The following NSMAF variants were observed in gnomAD, a reference collection of about 807,000 sequenced individuals.
NSMAF encodes neutral sphingomyelinase activation associated factor.
NSMAF carries 90 observed loss-of-function variants against 134.9 expected under a neutral mutation model. That is an observed-to-expected ratio of 0.67 (90% CI 0.56 to 0.79). NSMAF has a LOEUF of 0.79. Ranked by LOEUF, NSMAF falls within the 30% of genes least tolerant of loss-of-function variation. The pLI, the probability that NSMAF is intolerant of heterozygous loss-of-function variation, is 0.00. For synonymous variants in NSMAF, 358 were observed against 389.6 expected, an observed-to-expected ratio of 0.92 and a Z score of 0.96; for missense variants, 1,010 against 1,119.0, an observed-to-expected ratio of 0.90 and a Z score of 1.39.
chr8:58,657,797 G>A (rs891866454), intron 1 of NSMAF, among the ~76,000 whole-genome samples: 4 of 152,204 alleles, frequency 2.6e-5, no homozygotes, highest in African/African-American at 9.7e-5. Flanking sequence ...CTGATGCTCA[G>A]GAACAGTTGA....
chr8:58,599,634 C>G (rs1232707490), intron 18 of NSMAF, 116 bp downstream of exon 18: 1 of 1,195,992 alleles, frequency 8.4e-7, no homozygotes, highest in Non-Finnish European at 1.2e-6. Context: ...GCTCATATAT[C>G]CTTATTTAGA....
intron 1 of NSMAF, among the ~76,000 whole-genome samples, chr8:58,655,799 C>T (rs371318111): frequency 6.0e-5 from 9 of 151,170 alleles, no homozygotes; most frequent in East Asian, 4.0e-4. Context: ...CCCAGCTACT[C>T]GGGAGGCTGA....
intron 2 of NSMAF, among the ~76,000 whole-genome samples, chr8:58,636,294 C>T (rs539257917): frequency 6.6e-6 from 1 of 152,336 alleles, no homozygotes; most frequent in African/African-American, 2.4e-5. Flanking sequence ...ACATCATATA[C>T]TTTATCCACA....
At position 58,586,478 on chromosome 8, in the gene NSMAF, C is replaced by T; in HGVS notation, c.2426G>A (p.Cys809Tyr). The T allele has an allele frequency of 1.9e-6, 3 of 1,608,534 alleles. No homozygotes were observed. Among genetic ancestry groups the T allele is most frequent in the Non-Finnish European group, 2.5e-6 (3 of 1,179,958 alleles). ...HQIPCHSGIV[C>Y]DTAFSPDSRH... ...TCTACCTGGGCTAAAAGCAGTGTCA[C>T]ATACAATCCCTGAATGGCATGGAAT... The change falls in exon 28 of 31, where the codon TGT becomes TAT. Residue 809 changes from cysteine (C) to tyrosine (Y), a missense_variant. Physicochemically the swap from Cys to Tyr is radical, Grantham distance 194 (BLOSUM62 -2). Transcript: ENST00000038176.
intron 1 of NSMAF, among the ~76,000 whole-genome samples, chr8:58,649,730 C>T (rs1255619535): frequency 6.6e-6 from 1 of 152,208 alleles, no homozygotes; most frequent in African/African-American, 2.4e-5. Flanking sequence ...CTTGCTCCCT[C>T]TCTTGCCATG....
At position 58,586,564 on chromosome 8, in the gene NSMAF, G is replaced by A. The variant is rs144059643; in HGVS notation, c.2340C>T (p.Ser780=). 1.9e-5 allele frequency: 30 copies of A among 1,613,820 alleles called. No homozygotes were observed. The highest frequency in any genetic ancestry group is 3.3e-5 in the Admixed American group (2 of 59,992). Residue 780 remains serine, a synonymous_variant, in exon 28 of 31, where the codon TCC becomes TCT. Transcript: ENST00000038176. The stretch of plus-strand genomic sequence containing the variant: ...TATTCACTGTGCCTTCTTTGGTGCC[G>A]GAAACTAACAGTGTGCTTGCAGCAT... ...SLNAASTLLV[S]GTKEGTVNIW...
chr8:58,596,957 T>C (rs1806150213), intron 21 of NSMAF, among the ~76,000 whole-genome samples: 1 of 147,518 alleles, frequency 6.8e-6, no homozygotes, highest in Non-Finnish European at 1.5e-5. Context: ...AAGATCTGTA[T>C]GTGGGTATAG....
chr8:58,610,288 T>C (rs1180651253), intron 9 of NSMAF, among the ~76,000 whole-genome samples: 1 of 152,230 alleles, frequency 6.6e-6, no homozygotes, highest in East Asian at 1.9e-4. Context: ...TCCTAAAATA[T>C]TTAATCAACA....
rs1218000627 is a variant in NSMAF, at chr8:58,585,919, A to G, written c.2528T>C (p.Met843Thr). The change falls in exon 29 of 31, where the codon ATG becomes ACG. Residue 843 changes from methionine to threonine, a missense_variant. By Grantham distance (81) the Met-to-Thr change is moderately conservative. Coordinates refer to ENST00000038176, the MANE Select transcript of NSMAF (RefSeq NM_003580.4). Reference protein sequence around the residue: ...DVQTGMLISSMTSDEPQRCFV... With the variant: ...DVQTGMLISSTTSDEPQRCFV... Reference sequence around the variant, plus strand: ...ATACCTCTGGGGCTCATCTGATGTCATGGAGGAGATGAGCATTCCTGTCTG... The same window carrying G: ...ATACCTCTGGGGCTCATCTGATGTCGTGGAGGAGATGAGCATTCCTGTCTG... 6.2e-6 allele frequency: 10 copies of G among 1,613,562 alleles called. No individual in the cohort carries two copies. The Admixed American group carries it at 1.7e-4, about 27-fold the overall frequency.
intron 1 of NSMAF, among the ~76,000 whole-genome samples, chr8:58,650,477 C>G (rs1807559623): frequency 6.6e-6 from 1 of 152,132 alleles, no homozygotes; most frequent in Non-Finnish European, 1.5e-5. Flanking sequence ...TTCCAACATG[C>G]AAGCTTGCCT....
chr8:58,645,985 G>A lies in NSMAF; in HGVS notation c.60-2912C>T, dbSNP rs565762957. Among the ~76,000 whole-genome samples the A allele has an allele frequency of 2.4e-4, 36 of 152,292 alleles. No homozygotes were observed. The South Asian group carries it at 7.2e-3, about 31-fold the overall frequency. On this transcript the variant is annotated intron_variant, in intron 1 of 30. Transcript: ENST00000038176. ...GAACCTGGGAAGTAGAGGTTGCAGTGAGCCAAGATCGCGCCACTGCACTCC... is the reference window on the plus strand; with the variant it reads ...GAACCTGGGAAGTAGAGGTTGCAGTAAGCCAAGATCGCGCCACTGCACTCC...
chr8:58,650,347 T>C (rs951025385), intron 1 of NSMAF, among the ~76,000 whole-genome samples: 6 of 152,226 alleles, frequency 3.9e-5, no homozygotes, highest in African/African-American at 1.4e-4. Context: ...CTTTTTGAAA[T>C]TAACTATGTA....
At position 58,624,642 on chromosome 8, in the gene NSMAF, G is replaced by A. The variant is rs535297681; in HGVS notation, c.385-862C>T. 6.6e-5 allele frequency among the ~76,000 whole-genome samples: 10 copies of A among 152,036 alleles called. 1 individual carries two copies. The East Asian group carries it at 1.4e-3, about 21-fold the overall frequency. ...ATATTATTTTAATCCTCTTAAATTT[G>A]TTAGGACTTGTTTTGTGACCTCACA... is the stretch of plus-strand genomic sequence containing the variant. On this transcript the variant is annotated intron_variant, in intron 6 of 30. Transcript: ENST00000038176.
intron 11 of NSMAF, among the ~76,000 whole-genome samples, chr8:58,607,503 C>T (rs902437362): frequency 2.6e-5 from 4 of 152,194 alleles, no homozygotes; most frequent in Non-Finnish European, 5.9e-5. Flanking sequence ...TGAGAATGCA[C>T]GAATGAGAAA....
chr8:58,591,033 C>A, intron 23 of NSMAF, 99 bp from the exon 24 acceptor site: 2 of 1,330,884 alleles, frequency 1.5e-6, no homozygotes, highest in Non-Finnish European at 1.0e-6. Context: ...GCCAACAGTA[C>A]ACTTTATACT....
chr8:58,629,570 TTC>T (rs1197807465), intron 6 of NSMAF, among the ~76,000 whole-genome samples: 8 of 152,176 alleles, frequency 5.3e-5, no homozygotes, highest in Non-Finnish European at 1.2e-4. Context: ...TGGACTATTT[TTC>T]TCTGATTCTT....
intron 6 of NSMAF, among the ~76,000 whole-genome samples, chr8:58,624,035 A>ATTTTTTTTTTTTTT (rs11431046): frequency 1.0e-5 from 1 of 99,098 alleles, no homozygotes; most frequent in Non-Finnish European, 1.9e-5. Flanking sequence ...TAGAGTTAGG[A>ATTTTTTTTTTTTTT]TTTTTTTTTT....
At chr8:58,607,969 T>A (rs1042257948) in intron 10 of NSMAF, 129 bp from the exon 11 acceptor site, 2 of 758,582 alleles carry the variant, frequency 2.6e-6, no homozygotes, top group East Asian at 2.6e-5. Context: ...GAAAAGGAAA[T>A]CTTGGAACAA....
At chr8:58,650,712 T>C (rs1807564407) in intron 1 of NSMAF, among the ~76,000 whole-genome samples, 2 of 152,210 alleles carry the variant, frequency 1.3e-5, no homozygotes, top group Non-Finnish European at 2.9e-5. Flanking sequence ...ATAAACAACT[T>C]GATATGACTG....
Sources: allele counts gnomAD v4.1 joint callset (sites outside exome capture counted in the v4.1 genomes callset), GRCh38; gene constraint gnomAD v4.1.1; transcripts MANE v1.5; gene names NCBI Gene and HGNC (gene_info 2026-07-23, HGNC 2026-07-21).